SNX29: variants seen among roughly 807,000 people sequenced by gnomAD.
SNX29 encodes sorting nexin-29.
In SNX29, 78 loss-of-function variants were observed where a neutral mutation model predicts 102.1. That is an observed-to-expected ratio of 0.76 (90% CI 0.64 to 0.92). SNX29 has a LOEUF of 0.92. SNX29 is among the 40% of genes least tolerant of loss of function. The pLI is 0.00. For synonymous variants in SNX29, 580 were observed against 414.5 expected (o/e 1.40, Z -4.85); for missense variants, 1,280 against 1,061.7 (o/e 1.21, Z -2.86).
rs569378019 is a variant in SNX29, at chr16:12,572,300, A to C, written c.*3671A>C. 5.5e-5 allele frequency: 50 copies of C among 912,976 alleles called. No homozygotes were observed. The East Asian group carries it at 1.8e-3, about 33-fold the overall frequency. The allele number at this position is 912,976 out of a possible 1,614,324, so 56.6% of individuals were successfully genotyped here. ...CTAACAAGTACTGGGGCCAGTGATC[A>C]CAATCCAGGTTGGAAACAGGAGTGA... On this transcript the variant is annotated 3_prime_UTR_variant, in exon 21 of 21. Transcript: ENST00000566228.
chr16:12,338,237 T>C (rs565661943), intron 15 of SNX29, among the ~76,000 whole-genome samples: 6 of 152,320 alleles, frequency 3.9e-5, no homozygotes, highest in South Asian at 4.1e-4. Context: ...AAGGAAAATG[T>C]TGGAGTCCAG....
chr16:12,466,022 G>A (rs554170800), intron 18 of SNX29, among the ~76,000 whole-genome samples: 2 of 152,294 alleles, frequency 1.3e-5, no homozygotes, highest in East Asian at 3.9e-4. Context: ...TATGTGACAA[G>A]CCTACAGCTA....
At chr16:12,417,663 T>C (rs1460652894) in intron 18 of SNX29, among the ~76,000 whole-genome samples, 1 of 151,958 alleles carries the variant, frequency 6.6e-6, no homozygotes, top group Non-Finnish European at 1.5e-5. Flanking sequence ...CCTCTTCCCT[T>C]CCTCCTCTTA....
intron 16 of SNX29, among the ~76,000 whole-genome samples, chr16:12,379,531 C>CTAA (rs764628110): frequency 1.3e-4 from 20 of 152,204 alleles, no homozygotes; most frequent in Non-Finnish European, 2.5e-4. Flanking sequence ...GGACTGTGCC[C>CTAA]TTTAGCCACT....
intron 18 of SNX29, among the ~76,000 whole-genome samples, chr16:12,439,321 G>A (rs2085690623): frequency 6.6e-6 from 1 of 152,214 alleles, no homozygotes; most frequent in East Asian, 1.9e-4. Flanking sequence ...GAGGCCAGCG[G>A]GGAGTAGTGG....
chr16:12,563,581 C>G (rs1031368325), intron 20 of SNX29, among the ~76,000 whole-genome samples: 2 of 148,508 alleles, frequency 1.3e-5, no homozygotes, highest in South Asian at 2.2e-4. Flanking sequence ...TGGGTGGTGG[C>G]TTAGGCCTCC....
intron 18 of SNX29, among the ~76,000 whole-genome samples, chr16:12,413,093 C>T (rs1393621808): frequency 6.6e-6 from 1 of 152,156 alleles, no homozygotes. Context: ...TGTTTTGTTT[C>T]TGTTCTGTGG....
At chr16:12,545,188 C>T (rs571781658) in intron 20 of SNX29, among the ~76,000 whole-genome samples, 20 of 152,136 alleles carry the variant, frequency 1.3e-4, no homozygotes, top group African/African-American at 4.3e-4. Context: ...CAAATATGGT[C>T]AATACAAAAA....
At chr16:12,565,640 A>T (rs2078969916) in intron 20 of SNX29, among the ~76,000 whole-genome samples, 2 of 152,196 alleles carry the variant, frequency 1.3e-5, no homozygotes, top group African/African-American at 4.8e-5. Flanking sequence ...CATGTGACAC[A>T]TATAGCCTCG....
Position 12,572,445 on chromosome 16 carries a change from C to G in SNX29, c.*3816C>G, listed in dbSNP as rs1209160768. ...CCGGCAGTGGCTGCCTCTCTTGGTT[C>G]TGCATGGTACATTTTGCCAACCCTG... On this transcript the variant is annotated 3_prime_UTR_variant, in exon 21 of 21. Transcript: ENST00000566228. 4.7e-6 allele frequency: 5 copies of G among 1,063,114 alleles called. No individual in the cohort carries two copies. Among genetic ancestry groups the G allele is most frequent in the African/African-American group, 1.6e-5 (1 of 60,926 alleles). 65.9% of individuals were successfully genotyped at this position (1,063,114 alleles called of 1,614,324 possible).
At chr16:12,356,752 G>C (rs2082147508) in intron 16 of SNX29, among the ~76,000 whole-genome samples, 1 of 152,264 alleles carries the variant, frequency 6.6e-6, no homozygotes, top group African/African-American at 2.4e-5. Context: ...CAGCACTGCT[G>C]ATATTTTGGA....
intron 16 of SNX29, among the ~76,000 whole-genome samples, chr16:12,370,888 A>AT (rs1795323511): frequency 6.6e-6 from 1 of 152,116 alleles, no homozygotes; most frequent in African/African-American, 2.4e-5. Context: ...GGGATCCCTG[A>AT]TTTAGTTGCA....
chr16:12,237,417 G>A (rs942663280), intron 14 of SNX29, among the ~76,000 whole-genome samples: 6 of 152,144 alleles, frequency 3.9e-5, no homozygotes, highest in Non-Finnish European at 5.9e-5. Context: ...CACGTTTTTC[G>A]TGTCTCTCTG....
intron 18 of SNX29, among the ~76,000 whole-genome samples, chr16:12,451,226 T>G (rs976379580): frequency 6.6e-6 from 1 of 152,196 alleles, no homozygotes; most frequent in Non-Finnish European, 1.5e-5. Flanking sequence ...AAGTACACAT[T>G]AGGTTCATAA....
intron 11 of SNX29, among the ~76,000 whole-genome samples, chr16:12,084,524 C>T (rs138585208): frequency 5.3e-5 from 8 of 152,290 alleles, no homozygotes; most frequent in Middle Eastern, 3.4e-3. Flanking sequence ...GTTCTTGTTT[C>T]GGGCACACGG....
intron 18 of SNX29, among the ~76,000 whole-genome samples, chr16:12,462,336 T>G (rs2086843564): frequency 6.6e-6 from 1 of 152,080 alleles, no homozygotes; most frequent in Non-Finnish European, 1.5e-5. Flanking sequence ...CCTCTACAGT[T>G]TAGTCTTCAT....
At chr16:12,359,475 C>T (rs1462645330) in intron 16 of SNX29, among the ~76,000 whole-genome samples, 1 of 152,194 alleles carries the variant, frequency 6.6e-6, no homozygotes, top group African/African-American at 2.4e-5. Context: ...TTTTCTACTG[C>T]ACAGTATTTG....
At chr16:12,556,950 T>TGAAG (rs147585858) in intron 20 of SNX29, among the ~76,000 whole-genome samples, 3 of 148,988 alleles carry the variant, frequency 2.0e-5, no homozygotes, top group African/African-American at 7.5e-5. Flanking sequence ...CCGCTCAGGC[T>TGAAG]CAGTCTTCCC....
At chr16:12,478,352 G>A (rs773000507) in intron 19 of SNX29, among the ~76,000 whole-genome samples, 60 of 152,244 alleles carry the variant, frequency 3.9e-4, no homozygotes, top group Non-Finnish European at 7.5e-4. Flanking sequence ...TTGTCATGAT[G>A]TTCACTTCAA....
Sources: allele counts gnomAD v4.1 joint callset (sites outside exome capture counted in the v4.1 genomes callset), GRCh38; gene constraint gnomAD v4.1.1; transcripts MANE v1.5; gene names NCBI Gene and HGNC (gene_info 2026-07-23, HGNC 2026-07-21).